Variants in EYS observed in about 807,000 individuals in gnomAD.
The protein encoded by EYS is EGF-like photoreceptor maintenance factor, also known as protein eyes shut homolog.
A neutral mutation model predicts 282.1 loss-of-function variants in EYS; 250 were observed. That is an observed-to-expected ratio of 0.89 (90% CI 0.80 to 0.98). The LOEUF (loss-of-function observed/expected upper bound fraction) is 0.98. Among genes scored for constraint, EYS ranks in the 50% least tolerant of loss-of-function variants. The pLI is 0.00. For missense variants in EYS, 4,016 were observed against 3,709.0 expected (o/e 1.08, Z -2.15); for synonymous variants, 1,355 against 1,282.9 (o/e 1.06, Z -1.20).
intron 29 of EYS, among the ~76,000 whole-genome samples, chr6:64,341,988 T>C (rs183152127): frequency 1.3e-5 from 2 of 151,724 alleles, no homozygotes; most frequent in African/African-American, 2.4e-5. Flanking sequence ...CCATAAAATA[T>C]GGTTACTTAT....
intron 31 of EYS, among the ~76,000 whole-genome samples, chr6:64,180,573 C>G (rs765214205): frequency 2.0e-5 from 3 of 151,736 alleles, no homozygotes; most frequent in Non-Finnish European, 2.9e-5. Flanking sequence ...CCCATACCCC[C>G]TCCCATTCTC....
At position 64,332,449 on chromosome 6, in the gene EYS, T is replaced by C. The variant is rs188710362; in HGVS notation, c.6079-25367A>G. ...TGGAGACTCTGTCTGGGTCAAATGA[T>C]GGAACCCAACCACCTTAGGGCCTTT... On this transcript the variant is annotated intron_variant, in intron 29 of 42. Coordinates refer to ENST00000503581, the MANE Select transcript of EYS (RefSeq NM_001142800.2). Among the ~76,000 whole-genome samples the C allele has an allele frequency of 1.0e-3, 152 of 152,310 alleles. No homozygotes were observed. In the Middle Eastern group the frequency reaches 0.014, roughly 14 times the overall value.
chr6:64,343,414 T>C (rs376158811), intron 29 of EYS, among the ~76,000 whole-genome samples: 6 of 151,880 alleles, frequency 4.0e-5, no homozygotes, highest in Admixed American at 1.3e-4. Flanking sequence ...CACTCAAAAC[T>C]GCTCAACTAC....
In EYS at chr6:64,086,880, C is replaced by T. The variant is rs570115558; in HGVS notation, c.6425-4878G>A. 1.7e-3 allele frequency among the ~76,000 whole-genome samples: 259 copies of T among 152,150 alleles called. 1 individual carries two copies. Among genetic ancestry groups the T allele is most frequent in the Non-Finnish European group, 3.0e-3 (205 of 67,966 alleles). ...GAGTTTCCTTTCCTGTGACCAGAAA[C>T]GATTATAACATAGTTGGAATGTCAC... On this transcript the variant is annotated intron_variant, in intron 31 of 42. Transcript: ENST00000503581.
At chr6:64,269,552 T>C (rs1339897866) in intron 30 of EYS, among the ~76,000 whole-genome samples, 1 of 152,006 alleles carries the variant, frequency 6.6e-6, no homozygotes, top group Non-Finnish European at 1.5e-5. Context: ...AGTGTTCTAA[T>C]TGTAATTATA....
intron 1 of EYS, among the ~76,000 whole-genome samples, chr6:65,670,411 C>T (rs1482685382): frequency 6.6e-6 from 1 of 151,984 alleles, no homozygotes; most frequent in Admixed American, 6.6e-5. Context: ...GTTAAGGTTT[C>T]CTCACTCTGT....
chr6:64,411,781 G>C (rs1296860702), intron 28 of EYS, among the ~76,000 whole-genome samples: 2 of 150,876 alleles, frequency 1.3e-5, no homozygotes, highest in African/African-American at 4.9e-5. Flanking sequence ...CTAGGAGTTT[G>C]AGGCTGCAGT....
intron 5 of EYS, among the ~76,000 whole-genome samples, chr6:65,406,748 A>T (rs1186787497): frequency 6.6e-6 from 1 of 152,122 alleles, no homozygotes; most frequent in African/African-American, 2.4e-5. Context: ...TATGTGCAAT[A>T]AAGTTGCACA....
intron 33 of EYS, among the ~76,000 whole-genome samples, chr6:64,035,034 A>C (rs554810208): frequency 6.6e-6 from 1 of 152,296 alleles, no homozygotes; most frequent in Non-Finnish European, 1.5e-5. Context: ...TCACAGCTGA[A>C]GGGTGGGGTG....
intron 26 of EYS, among the ~76,000 whole-genome samples, chr6:64,578,303 A>T (rs1001874328): frequency 1.3e-5 from 2 of 152,038 alleles, no homozygotes; most frequent in East Asian, 1.9e-4. Context: ...TTCATCCTCC[A>T]CAAGTCTCTA....
intron 28 of EYS, among the ~76,000 whole-genome samples, chr6:64,431,957 A>T (rs891748339): frequency 1.3e-5 from 2 of 152,108 alleles, no homozygotes; most frequent in African/African-American, 4.8e-5. Context: ...GTGTCATGTC[A>T]TTTACTGTTT....
intron 12 of EYS, among the ~76,000 whole-genome samples, chr6:65,142,479 A>AACACAC (rs71268364): frequency 0.2 from 27,006 of 134,728 alleles, 2,900 homozygotes; most frequent in Non-Finnish European, 0.24. Flanking sequence ...AGAAATACAA[A>AACACAC]ACACACACAC....
chr6:65,161,823 C>A (rs961275357), intron 12 of EYS, among the ~76,000 whole-genome samples: 1 of 151,142 alleles, frequency 6.6e-6, no homozygotes, highest in Admixed American at 6.6e-5. Context: ...GAGATCAAAT[C>A]TCAGTATCCT....
rs1163673788 is a variant in EYS at position 64,553,585 on chromosome 6, T to C, written c.5644+36638A>G. Among the ~76,000 whole-genome samples the C allele has an allele frequency of 2.4e-5, 3 of 123,236 alleles. No individual in the cohort carries two copies. The East Asian group carries it at 8.5e-4, about 35-fold the overall frequency. 80.8% of individuals were successfully genotyped at this position (123,236 alleles called of 152,430 possible). A position where few individuals can be genotyped will look rare whatever the true frequency, so the allele number is the denominator to read the frequency against. On this transcript the variant is annotated intron_variant, in intron 26 of 42. Coordinates refer to ENST00000503581, the MANE Select transcript of EYS (RefSeq NM_001142800.2). ...TAGGCAGTTACAAGGCAAATGTGCATACTCCTCTAGCAATCACTATAGCAA... is the reference window on the plus strand; with the variant it reads ...TAGGCAGTTACAAGGCAAATGTGCACACTCCTCTAGCAATCACTATAGCAA...
chr6:65,132,514 C>G (rs1246739543), intron 12 of EYS, among the ~76,000 whole-genome samples: 1 of 151,944 alleles, frequency 6.6e-6, no homozygotes, highest in Non-Finnish European at 1.5e-5. Context: ...TTCAAAATCT[C>G]TTCATGTTAA....
chr6:65,316,316 C>T (rs1271152179), intron 11 of EYS, among the ~76,000 whole-genome samples: 1 of 152,010 alleles, frequency 6.6e-6, no homozygotes, highest in Non-Finnish European at 1.5e-5. Flanking sequence ...CCTTACCTAT[C>T]CTAAAGTCTT....
rs1224719742 is a variant in EYS, at chr6:63,721,447, C to T, written c.8584G>A (p.Glu2862Lys). 6.4e-7 allele frequency: 1 copy of T among 1,551,656 alleles called. No individual in the cohort carries two copies. The highest frequency in any genetic ancestry group is 2.4e-5 in the East Asian group (1 of 40,916). ...IINNQELQLT[E>K]FGAKGGSNVG... ...TTTGAGCCACCTTTTGCTCCAAATT[C>T]AGTTAATTGTAATTCTTGATTATTT... Residue 2862 changes from glutamate (E) to lysine (K), a missense_variant, in exon 43 of 43, where the codon GAA becomes AAA. Physicochemically the swap from Glu to Lys is moderately conservative, Grantham distance 56. Coordinates refer to ENST00000503581, the MANE Select transcript of EYS (RefSeq NM_001142800.2).
intron 31 of EYS, among the ~76,000 whole-genome samples, chr6:64,109,175 G>T (rs1454602995): frequency 2.0e-5 from 3 of 152,066 alleles, no homozygotes; most frequent in South Asian, 2.1e-4. Flanking sequence ...GCAATATGAA[G>T]TAACTAACTC....
intron 37 of EYS, among the ~76,000 whole-genome samples, chr6:63,803,089 C>T (rs769731442): frequency 3.9e-5 from 6 of 152,116 alleles, no homozygotes; most frequent in Non-Finnish European, 7.3e-5. Context: ...TTGGTAGATG[C>T]GTACTAAAGG....
Sources: allele counts gnomAD v4.1 joint callset (sites outside exome capture counted in the v4.1 genomes callset), GRCh38; gene constraint gnomAD v4.1.1; transcripts MANE v1.5; gene names NCBI Gene and HGNC (gene_info 2026-07-23, HGNC 2026-07-21).